CEP128: variants seen among roughly 807,000 people sequenced by gnomAD.
The protein encoded by CEP128 is centrosomal protein 128, also known as centrosomal protein 128kDa.
CEP128 carries 132 observed loss-of-function variants against 156.7 expected under a neutral mutation model. That is an observed-to-expected ratio of 0.84 (90% confidence interval 0.73 to 0.97). The LOEUF (loss-of-function observed/expected upper bound fraction) is 0.97, where lower values mean the gene tolerates loss of function less well. Ranked by LOEUF, CEP128 falls within the 50% of genes least tolerant of loss-of-function variation. CEP128 has a pLI of 0.00. For missense variants in CEP128, 1,252 were observed against 1,281.9 expected, an observed-to-expected ratio of 0.98 and a Z score of 0.36; for synonymous variants, 469 against 448.9, an observed-to-expected ratio of 1.04 and a Z score of -0.57.
At chr14:80,898,443 G>A (rs1889447719) in intron 7 of CEP128, among the ~76,000 whole-genome samples, 1 of 152,030 alleles carries the variant, frequency 6.6e-6, no homozygotes, top group Admixed American at 6.6e-5. Flanking sequence ...CATGCCTCTA[G>A]GTCACAAAGA....
At chr14:80,851,199 G>C (rs1239121683) in intron 9 of CEP128, among the ~76,000 whole-genome samples, 1 of 152,122 alleles carries the variant, frequency 6.6e-6, no homozygotes, top group East Asian at 1.9e-4. Context: ...CAGAAACAAG[G>C]GTAAACGAGA....
intron 23 of CEP128, among the ~76,000 whole-genome samples, chr14:80,518,355 T>A (rs1040493274): frequency 6.6e-6 from 1 of 151,864 alleles, no homozygotes; most frequent in African/African-American, 2.4e-5. Flanking sequence ...CCCTAGGAAA[T>A]CCAGCTAGCC....
At chr14:80,836,558 T>C (rs1329515900) in intron 11 of CEP128, among the ~76,000 whole-genome samples, 1 of 151,760 alleles carries the variant, frequency 6.6e-6, no homozygotes, top group Non-Finnish European at 1.5e-5. Flanking sequence ...GGAATGTGAC[T>C]AGATTTTTTT....
intron 21 of CEP128, among the ~76,000 whole-genome samples, chr14:80,544,559 A>T (rs1889900890): frequency 6.6e-6 from 1 of 152,230 alleles, no homozygotes; most frequent in Non-Finnish European, 1.5e-5. Context: ...TGACCTAATA[A>T]TCTGCCAAAG....
chr14:80,485,623 T>A (rs980716460), downstream of CEP128, among the ~76,000 whole-genome samples: 11 of 152,310 alleles, frequency 7.2e-5, no homozygotes, highest in African/African-American at 2.6e-4. Flanking sequence ...ATCACAAGGT[T>A]AAGACTGGTA....
intron 13 of CEP128, among the ~76,000 whole-genome samples, chr14:80,829,594 C>T (rs1195116003): frequency 6.6e-6 from 1 of 152,152 alleles, no homozygotes; most frequent in African/African-American, 2.4e-5. Flanking sequence ...TTTAGATCCA[C>T]TGTGAGAAAC....
chr14:80,775,527 C>A (rs995982118), intron 16 of CEP128, among the ~76,000 whole-genome samples: 1 of 152,206 alleles, frequency 6.6e-6, no homozygotes, highest in Non-Finnish European at 1.5e-5. Flanking sequence ...CAGAGACCAT[C>A]TTTTCTCTGC....
intron 12 of CEP128, 109 bp downstream of exon 12, chr14:80,836,096 C>T (rs532633234): frequency 4.3e-5 from 41 of 956,716 alleles, no homozygotes; most frequent in Middle Eastern, 2.3e-4. Flanking sequence ...AATAGTATGA[C>T]GTGAGCATCA....
At chr14:80,515,951 G>A (rs115867751) in intron 23 of CEP128, among the ~76,000 whole-genome samples, 312 of 152,234 alleles carry the variant, frequency 2.0e-3, no homozygotes, top group African/African-American at 7.1e-3. Flanking sequence ...TCACTGCAAC[G>A]ACCACCTCCC....
intron 2 of CEP128, among the ~76,000 whole-genome samples, chr14:80,946,797 A>G (rs1044915331): frequency 3.3e-5 from 5 of 152,188 alleles, no homozygotes; most frequent in Admixed American, 6.5e-5. Flanking sequence ...AACAGCTGAT[A>G]TGGCTTGGTT....
At chr14:80,649,258 C>A (rs1005218581) in intron 19 of CEP128, among the ~76,000 whole-genome samples, 1 of 152,002 alleles carries the variant, frequency 6.6e-6, no homozygotes, top group Non-Finnish European at 1.5e-5. Flanking sequence ...CTCTTCCCCA[C>A]CCCTCCTTAA....
chr14:80,823,070 A>C (rs1245273584), intron 13 of CEP128, among the ~76,000 whole-genome samples: 2 of 152,204 alleles, frequency 1.3e-5, no homozygotes, highest in Non-Finnish European at 2.9e-5. Flanking sequence ...TGACGTTGAC[A>C]CACATGGCCA....
chr14:80,804,367 T>A (rs1469675902), intron 13 of CEP128, among the ~76,000 whole-genome samples: 1 of 152,122 alleles, frequency 6.6e-6, no homozygotes, highest in Non-Finnish European at 1.5e-5. Context: ...GATAATGATA[T>A]TTCAAACACA....
At chr14:80,833,484 A>C (rs944584060) in intron 12 of CEP128, among the ~76,000 whole-genome samples, 2 of 152,066 alleles carry the variant, frequency 1.3e-5, no homozygotes, top group African/African-American at 4.8e-5. Flanking sequence ...AAAAAGTATA[A>C]AATATAAACA....
At chr14:80,517,487 A>G (rs1434444467) in intron 23 of CEP128, among the ~76,000 whole-genome samples, 1 of 152,160 alleles carries the variant, frequency 6.6e-6, no homozygotes, top group Non-Finnish European at 1.5e-5. Context: ...ATATCCATGG[A>G]TTATTTGAAG....
At chr14:80,770,326 T>C (rs1009217096) in intron 16 of CEP128, among the ~76,000 whole-genome samples, 4 of 152,226 alleles carry the variant, frequency 2.6e-5, no homozygotes, top group African/African-American at 9.6e-5. Context: ...ATTCAGAAAG[T>C]AGAAACCAGA....
intron 19 of CEP128, among the ~76,000 whole-genome samples, chr14:80,675,479 T>C (rs1264389056): frequency 1.3e-5 from 2 of 151,988 alleles, no homozygotes; most frequent in Non-Finnish European, 2.9e-5. Context: ...TATACTAACT[T>C]GGTGTAAAAA....
chr14:80,724,718 G>C (rs72690966), intron 19 of CEP128, among the ~76,000 whole-genome samples: 269 of 151,974 alleles, frequency 1.8e-3, no homozygotes, highest in Middle Eastern at 0.017. Flanking sequence ...GCGTTCAACT[G>C]AAACTCAGAC....
intron 14 of CEP128, among the ~76,000 whole-genome samples, chr14:80,484,373 C>A (rs1457965071): frequency 6.6e-6 from 1 of 152,140 alleles, no homozygotes; most frequent in Non-Finnish European, 1.5e-5. Flanking sequence ...TGATGATTTA[C>A]CTTGGTCAGA....
Sources: gnomAD v4.1 joint callset for allele counts (sites outside exome capture counted in the v4.1 genomes callset) on GRCh38, gnomAD v4.1.1 for gene constraint, MANE v1.5 for transcripts, NCBI Gene and HGNC (gene_info 2026-07-23, HGNC 2026-07-21) for gene names.